Variants in ZCCHC14 observed in about 807,000 individuals in gnomAD.
ZCCHC14 encodes zinc finger CCHC-type containing 14, also known as zinc finger CCHC domain-containing protein 14.
ZCCHC14 carries 16 observed loss-of-function variants against 85.0 expected under a neutral mutation model. The observed-to-expected ratio is 0.19, with a 90% CI of 0.13 to 0.29. ZCCHC14 has a LOEUF of 0.29. Ranked by LOEUF, ZCCHC14 falls within the 10% of genes least tolerant of loss-of-function variation. The pLI, the probability that ZCCHC14 is intolerant of heterozygous loss-of-function variation, is 1.00. For missense variants in ZCCHC14, 1,303 were observed against 1,443.5 expected (o/e 0.90, Z 1.58); for synonymous variants, 775 against 630.7 (o/e 1.23, Z -3.43).
intron 1 of ZCCHC14, among the ~76,000 whole-genome samples, chr16:87,487,006 G>C (rs979969038): frequency 1.4e-4 from 21 of 152,202 alleles, no homozygotes; most frequent in Non-Finnish European, 2.4e-4. Context: ...CTTATACTTT[G>C]CCTGATAACC....
At chr16:87,459,876 A>C (rs182059145) in intron 2 of ZCCHC14, 132 bp downstream of exon 2, 103 of 1,406,972 alleles carry the variant, frequency 7.3e-5, no homozygotes, top group Middle Eastern at 2.6e-4. Context: ...TGCTTATAGA[A>C]TTTAGAAAAA....
intron 1 of ZCCHC14, among the ~76,000 whole-genome samples, chr16:87,468,988 G>C (rs896602191): frequency 1.3e-5 from 2 of 152,148 alleles, no homozygotes; most frequent in Admixed American, 6.5e-5. Flanking sequence ...AAAAGAATAC[G>C]GTCAGTTTAA....
Position 87,412,323 on chromosome 16 carries a change from T to C in ZCCHC14, c.2398A>G (p.Ile800Val), listed in dbSNP as rs772842703. 1.2e-6 allele frequency: 2 copies of C among 1,614,008 alleles called. No individual in the cohort carries two copies. The highest frequency in any genetic ancestry group is 1.1e-5 in the South Asian group (1 of 91,086). The change falls in exon 12 of 13, where the codon ATA becomes GTA. Residue 800 changes from isoleucine (I) to valine (V), a missense_variant. By Grantham distance (29) the Ile-to-Val change is conservative. Around this residue, in one of 7 missense-constraint regions of ZCCHC14, gnomAD observed 797 missense variants for 730.8 expected, o/e 1.09. Transcript: ENST00000671377. ...GQTSCPNNVQ[I>V]SVPPAIINPR... is the part of the protein sequence containing the mutation. The stretch of plus-strand genomic sequence containing the variant: ...TTTATTATTGCAGGGGGCACACTTA[T>C]TTGCACATTATTAGGACAGGAAGTT...
chr16:87,421,643 G>C (rs1909101301), intron 4 of ZCCHC14, among the ~76,000 whole-genome samples: 1 of 152,134 alleles, frequency 6.6e-6, no homozygotes, highest in Non-Finnish European at 1.5e-5. Flanking sequence ...GTGCCCTGCT[G>C]TGTGCCACAG....
chr16:87,441,427 C>T (rs1228982158), intron 2 of ZCCHC14, among the ~76,000 whole-genome samples: 1 of 152,078 alleles, frequency 6.6e-6, no homozygotes, highest in Non-Finnish European at 1.5e-5. Context: ...TTATTAAGTC[C>T]ATTTCTTTTT....
intron 1 of ZCCHC14, among the ~76,000 whole-genome samples, chr16:87,477,935 G>A (rs923559381): frequency 6.6e-6 from 1 of 150,436 alleles, no homozygotes; most frequent in South Asian, 2.1e-4. Context: ...CACACACCTG[G>A]GGAACACACA....
intron 2 of ZCCHC14, among the ~76,000 whole-genome samples, chr16:87,448,348 A>C (rs1285363301): frequency 6.6e-6 from 1 of 152,170 alleles, no homozygotes; most frequent in Non-Finnish European, 1.5e-5. Flanking sequence ...TCTCCTTTGA[A>C]AACGTGTAAG....
Position 87,492,008 on chromosome 16 carries a change from G to A in ZCCHC14, c.231C>T (p.Asn77=). ...NNPADLGSLT[N]LTDEVVRSKL... ...TGCTGCGCACCACCTCGTCCGTCAGGTTGGTGAGGCTGCCCAGGTCGGCCG... is the reference window on the plus strand; with the variant it reads ...TGCTGCGCACCACCTCGTCCGTCAGATTGGTGAGGCTGCCCAGGTCGGCCG... The change falls in exon 1 of 13, where the codon AAC becomes AAT. Residue 77 remains asparagine (N), a synonymous_variant. Coordinates refer to ENST00000671377, the MANE Select transcript of ZCCHC14 (RefSeq NM_015144.3). The surrounding 1 kb of genome is among the most constrained non-coding windows in gnomAD (Gnocchi z 6.7). 7.2e-7 allele frequency: 1 copy of A among 1,395,434 alleles called. No homozygotes were observed. Among genetic ancestry groups the A allele is most frequent in the Admixed American group, 3.6e-5 (1 of 27,530 alleles). 86.4% of individuals were successfully genotyped at this position (1,395,434 alleles called of 1,614,324 possible). A position where few individuals can be genotyped will look rare whatever the true frequency, so the allele number is the denominator to read the frequency against.
intron 2 of ZCCHC14, among the ~76,000 whole-genome samples, chr16:87,440,152 G>A (rs1031525248): frequency 6.6e-6 from 1 of 151,956 alleles, no homozygotes; most frequent in East Asian, 1.9e-4. Flanking sequence ...GCGACAGTAT[G>A]CTTTTATGTT....
rs1469153206 is a variant in ZCCHC14, at chr16:87,415,560, C to A, written c.1384-193G>T. On this transcript the variant is annotated intron_variant, in intron 8 of 12. Transcript: ENST00000671377. ...AAATGACTTGGTGTCAACGGTTCAA[C>A]TCCGAGACGCAGTTCTGAGCAAGAG... Among the ~76,000 whole-genome samples, 6 of 152,226 alleles carry A rather than the reference C, an allele frequency of 3.9e-5. 1 individual carries two copies. The highest frequency in any genetic ancestry group is 2.0e-4 in the Admixed American group (3 of 15,282).
At position 87,412,549 on chromosome 16, in the gene ZCCHC14, T is replaced by C. The variant is rs148431721; in HGVS notation, c.2172A>G (p.Thr724=). The change falls in exon 12 of 13, where the codon ACA becomes ACG. Residue 724 remains threonine (T), a synonymous_variant. Transcript: ENST00000671377. ...GLSESSSMSP[T]VSFGPRTKVV... Reference sequence around the variant, plus strand: ...CTTTGGTCCGGGGACCAAAGGAGACTGTGGGTGACATGGAGCTGCTCTCCG... The same window carrying C: ...CTTTGGTCCGGGGACCAAAGGAGACCGTGGGTGACATGGAGCTGCTCTCCG... The C allele has an allele frequency of 7.2e-5, 117 of 1,613,946 alleles. 1 individual carries two copies. The highest frequency in any genetic ancestry group is 6.6e-4 in the Middle Eastern group (4 of 6,084).
At chr16:87,452,036 G>A (rs940321107) in intron 2 of ZCCHC14, among the ~76,000 whole-genome samples, 15 of 152,240 alleles carry the variant, frequency 9.9e-5, no homozygotes, top group Non-Finnish European at 1.8e-4. Flanking sequence ...GAGCCACCAC[G>A]GACAAGCCGT....
chr16:87,442,274 C>T (rs1910223445), intron 2 of ZCCHC14, among the ~76,000 whole-genome samples: 2 of 152,194 alleles, frequency 1.3e-5, no homozygotes, highest in East Asian at 1.9e-4. Flanking sequence ...GGCACCACAG[C>T]CACACCCCAC....
intron 1 of ZCCHC14, among the ~76,000 whole-genome samples, chr16:87,484,735 G>A (rs1748172837): frequency 2.0e-5 from 3 of 152,192 alleles, no homozygotes; most frequent in South Asian, 4.1e-4. Flanking sequence ...GTAGAGACGA[G>A]CGGTGTTAAA....
chr16:87,422,293 G>C (rs988941849), intron 4 of ZCCHC14, among the ~76,000 whole-genome samples: 5 of 152,184 alleles, frequency 3.3e-5, no homozygotes, highest in African/African-American at 1.2e-4. Flanking sequence ...GAACCACCCA[G>C]ACGTACACAC....
In ZCCHC14 at chr16:87,491,606, T is replaced by G; in HGVS notation, c.570+63A>C. ...GGGGGTCGCGGTGCAGGCTGGAGGC[T>G]TGGAGTGCAGAGTTGGGGATGCAGA... On this transcript the variant is annotated intron_variant, in intron 1 of 12. Transcript: ENST00000671377. The surrounding 1 kb of genome is among the most constrained non-coding windows in gnomAD (Gnocchi z 5.9). 2 of 1,329,294 alleles carry G rather than the reference T, an allele frequency of 1.5e-6. No individual in the cohort carries two copies. Among genetic ancestry groups the G allele is most frequent in the Non-Finnish European group, 9.6e-7 (1 of 1,038,476 alleles). 82.3% of individuals were successfully genotyped at this position (1,329,294 alleles called of 1,614,324 possible). A position where few individuals can be genotyped will look rare whatever the true frequency, so the allele number is the denominator to read the frequency against.
chr16:87,437,337 CAAAAAAAA>C (rs34871367), intron 2 of ZCCHC14, among the ~76,000 whole-genome samples: 81 of 57,736 alleles, frequency 1.4e-3, no homozygotes, highest in African/African-American at 5.4e-3. Flanking sequence ...AATTCCATCT[CAAAAAAAA>C]AAAAAAAAAA....
At position 87,423,702 on chromosome 16, in the gene ZCCHC14, G is replaced by A. The variant is rs1015893116; in HGVS notation, c.840+108C>T. The A allele has an allele frequency of 3.2e-5, 41 of 1,280,168 alleles. No individual in the cohort carries two copies. The South Asian group carries it at 4.4e-4, about 14-fold the overall frequency. The allele number at this position is 1,280,168 out of a possible 1,614,324, so 79.3% of individuals were successfully genotyped here. A position where few individuals can be genotyped will look rare whatever the true frequency, so the allele number is the denominator to read the frequency against. On this transcript the variant is annotated intron_variant, in intron 4 of 12. Coordinates refer to ENST00000671377, the MANE Select transcript of ZCCHC14 (RefSeq NM_015144.3). ...GGGCAGGAGGCCCCGCCCTGCGCAC[G>A]CTCACTCGCTAGCTGAAGGGAGTGG...
At chr16:87,460,650 A>G (rs1319981290) in intron 1 of ZCCHC14, among the ~76,000 whole-genome samples, 1 of 152,150 alleles carries the variant, frequency 6.6e-6, no homozygotes, top group Non-Finnish European at 1.5e-5. Context: ...AGATGGTGAC[A>G]CTACACTCCA....
Sources: gnomAD v4.1 joint callset for allele counts (sites outside exome capture counted in the v4.1 genomes callset) on GRCh38, gnomAD v4.1.1 for gene constraint, gnomAD v4.1.1 regional missense constraint, Gnocchi (gnomAD v3.1) non-coding constraint, MANE v1.5 for transcripts, NCBI Gene and HGNC (gene_info 2026-07-23, HGNC 2026-07-21) for gene names.